The following PPP4R3A variants were observed in gnomAD, a reference collection of about 807,000 sequenced individuals.
PPP4R3A encodes the protein serine/threonine-protein phosphatase 4 regulatory subunit 3A.
PPP4R3A carries 15 observed loss-of-function variants against 91.7 expected under a neutral mutation model. The observed-to-expected ratio is 0.16, with a 90% CI of 0.11 to 0.25. The LOEUF is 0.25. PPP4R3A is among the 10% of genes least tolerant of loss of function. The probability of loss-of-function intolerance (pLI) is 1.00; values close to 1 mark genes in which losing one functional copy is unlikely to be tolerated. For synonymous variants in PPP4R3A, 377 were observed against 348.7 expected, an observed-to-expected ratio of 1.08 and a Z score of -0.91; for missense variants, 623 against 998.4, an observed-to-expected ratio of 0.62 and a Z score of 5.07.
chr14:91,490,861 C>T, intron 1 of PPP4R3A, 59 bp from the exon 2 acceptor site: 1 of 983,144 alleles, frequency 1.0e-6, no homozygotes, highest in Non-Finnish European at 1.5e-6. Context: ...ATTATATTCC[C>T]TTACATACAC....
intron 10 of PPP4R3A, among the ~76,000 whole-genome samples, chr14:91,467,476 C>T (rs141754334): frequency 8.5e-5 from 13 of 152,266 alleles, no homozygotes; most frequent in East Asian, 1.9e-4. Context: ...CTTTATAAAA[C>T]GTGAATTTCA....
intron 7 of PPP4R3A, 99 bp downstream of exon 7, chr14:91,475,712 T>G: frequency 8.0e-7 from 1 of 1,243,946 alleles, no homozygotes. Flanking sequence ...ATGGCTACAC[T>G]TTTCCCAAAC....
chr14:91,469,237 CATCTT>C (rs767833717), intron 10 of PPP4R3A, among the ~76,000 whole-genome samples: 4 of 151,904 alleles, frequency 2.6e-5, no homozygotes, highest in East Asian at 1.9e-4. Flanking sequence ...TTGTAAGACT[CATCTT>C]AATTTCAGAG....
At chr14:91,502,764 T>C (rs1342178573) in intron 1 of PPP4R3A, among the ~76,000 whole-genome samples, 1 of 152,236 alleles carries the variant, frequency 6.6e-6, no homozygotes. Context: ...CAAGTAACAG[T>C]GAGAATTTAA....
chr14:91,465,331 T>A lies in PPP4R3A; in HGVS notation c.1749A>T (p.Val583=), dbSNP rs556981926. Residue 583 remains valine, a synonymous_variant, in exon 11 of 15, where the codon GTA becomes GTT. Transcript: ENST00000554943. ...ATCCATTGTTGAGAAATGCTTTCAC[T>A]ACTGGTTCAAACAAAAAACTTTTCA... ...YIMKSFLFEP[V]VKAFLNNGSR... 6.2e-7 allele frequency: 1 copy of A among 1,610,192 alleles called. No individual in the cohort carries two copies. The highest frequency in any genetic ancestry group is 1.3e-5 in the African/African-American group (1 of 74,850).
chr14:91,494,142 C>T (rs1424503954), intron 1 of PPP4R3A, among the ~76,000 whole-genome samples: 1 of 152,088 alleles, frequency 6.6e-6, no homozygotes, highest in African/African-American at 2.4e-5. Context: ...CAGACACAAT[C>T]TATCTCCATA....
At chr14:91,475,617 T>A (rs1358225087) in intron 7 of PPP4R3A, 194 bp downstream of exon 7, 2 of 455,906 alleles carry the variant, frequency 4.4e-6, no homozygotes, top group Admixed American at 8.1e-5. Flanking sequence ...AAAGGCAATT[T>A]AAATGAACAT....
chr14:91,507,576 T>TA (rs1356094966), intron 1 of PPP4R3A, among the ~76,000 whole-genome samples: 10 of 133,858 alleles, frequency 7.5e-5, no homozygotes, highest in East Asian at 2.2e-4. Context: ...ATATTATACA[T>TA]ACTATAGTTA....
At chr14:91,472,179 G>A (rs781597573) in intron 9 of PPP4R3A, among the ~76,000 whole-genome samples, 15 of 150,250 alleles carry the variant, frequency 1.0e-4, no homozygotes, top group East Asian at 3.9e-4. Flanking sequence ...TTAAACACAC[G>A]CACACGCACG....
intron 1 of PPP4R3A, among the ~76,000 whole-genome samples, chr14:91,499,135 C>T (rs1025322441): frequency 6.6e-6 from 1 of 151,698 alleles, no homozygotes; most frequent in African/African-American, 2.4e-5. Flanking sequence ...CATGGTGGTA[C>T]AGGCCCATAG....
At chr14:91,478,030 T>C (rs969454888) in intron 4 of PPP4R3A, among the ~76,000 whole-genome samples, 16 of 152,226 alleles carry the variant, frequency 1.1e-4, no homozygotes, top group Admixed American at 8.5e-4. Context: ...TAAATACACA[T>C]ACACATGGAT....
intron 5 of PPP4R3A, 63 bp downstream of exon 5, chr14:91,476,846 G>C (rs771673196): frequency 7.1e-7 from 1 of 1,400,956 alleles, no homozygotes; most frequent in African/African-American, 1.4e-5. Flanking sequence ...ATTTACAGGC[G>C]TGAGCCACCA....
chr14:91,465,110 T>C (rs1327372912), intron 11 of PPP4R3A, 140 bp downstream of exon 11: 3 of 663,704 alleles, frequency 4.5e-6, no homozygotes, highest in African/African-American at 1.9e-5. Flanking sequence ...TTGACTCAAA[T>C]CTCTCACAGG....
intron 1 of PPP4R3A, among the ~76,000 whole-genome samples, chr14:91,499,714 G>A (rs1934951724): frequency 6.6e-6 from 1 of 151,468 alleles, no homozygotes; most frequent in Non-Finnish European, 1.5e-5. Flanking sequence ...CCAGCTACTC[G>A]GGAAGCTGAG....
intron 3 of PPP4R3A, among the ~76,000 whole-genome samples, chr14:91,483,611 T>C (rs1889702587): frequency 6.6e-6 from 1 of 152,154 alleles, no homozygotes; most frequent in Non-Finnish European, 1.5e-5. Context: ...TCTTTTTGAG[T>C]TGAGCAAATT....
At chr14:91,483,525 C>T (rs1889696902) in intron 3 of PPP4R3A, among the ~76,000 whole-genome samples, 1 of 152,112 alleles carries the variant, frequency 6.6e-6, no homozygotes, top group Non-Finnish European at 1.5e-5. Flanking sequence ...ATGACTTTAT[C>T]CACAGAAAAA....
chr14:91,499,354 G>A (rs1698547374), intron 1 of PPP4R3A, among the ~76,000 whole-genome samples: 1 of 152,114 alleles, frequency 6.6e-6, no homozygotes, highest in Non-Finnish European at 1.5e-5. Flanking sequence ...ATGCTACACT[G>A]TGCCACCAAC....
intron 1 of PPP4R3A, among the ~76,000 whole-genome samples, chr14:91,495,424 C>T (rs887341319): frequency 6.6e-6 from 1 of 151,746 alleles, no homozygotes; most frequent in Non-Finnish European, 1.5e-5. Context: ...AAGCAATTCT[C>T]CTGCCTCAGC....
intron 1 of PPP4R3A, among the ~76,000 whole-genome samples, chr14:91,495,178 T>A (rs191569136): frequency 6.6e-6 from 1 of 151,950 alleles, no homozygotes; most frequent in Admixed American, 6.5e-5. Flanking sequence ...ACAGATAAAT[T>A]CAATGTGGCA....
Sources: allele counts gnomAD v4.1 joint callset (sites outside exome capture counted in the v4.1 genomes callset), GRCh38; gene constraint gnomAD v4.1.1; transcripts MANE v1.5; gene names NCBI Gene and HGNC (gene_info 2026-07-23, HGNC 2026-07-21).